TTBK2: variants seen among roughly 807,000 people sequenced by gnomAD.
TTBK2 encodes the protein tau tubulin kinase 2.
In TTBK2, 28 loss-of-function variants were observed where a neutral mutation model predicts 110.8. That is an observed-to-expected ratio of 0.25 (90% CI 0.19 to 0.35). The LOEUF (loss-of-function observed/expected upper bound fraction) is 0.35, where lower values mean the gene tolerates loss of function less well. TTBK2 is among the 10% of genes least tolerant of loss of function. The probability of loss-of-function intolerance (pLI) is 1.00; values close to 1 mark genes in which losing one functional copy is unlikely to be tolerated. For missense variants in TTBK2, 1,369 were observed against 1,500.3 expected (o/e 0.91, Z 1.45); for synonymous variants, 532 against 527.3 (o/e 1.01, Z -0.12).
intron 4 of TTBK2, among the ~76,000 whole-genome samples, chr15:42,831,021 T>C (rs1892736613): frequency 7.7e-6 from 1 of 129,400 alleles, no homozygotes; most frequent in Non-Finnish European, 1.5e-5. Context: ...AAAATGTATA[T>C]ATGTGTGTGT....
intron 1 of TTBK2, among the ~76,000 whole-genome samples, chr15:42,898,647 G>C (rs898152328): frequency 1.3e-5 from 2 of 152,184 alleles, no homozygotes; most frequent in Admixed American, 1.3e-4. Context: ...CCAAAATTAA[G>C]ATATAACATT....
At position 42,741,689 on chromosome 15, in the gene TTBK2, A is replaced by G. The variant is rs906766469; in HGVS notation, c.*4106T>C. On this transcript the variant is annotated 3_prime_UTR_variant, in exon 15 of 15. Coordinates refer to ENST00000267890, the MANE Select transcript of TTBK2 (RefSeq NM_173500.4). ...ATGCCATGTTTGATCAATATAAAGA[A>G]TAAGTTTTTAAAATATAAAAGACTT... 2.6e-5 allele frequency: 4 copies of G among 152,282 alleles called. No individual in the cohort carries two copies. The highest frequency in any genetic ancestry group is 9.6e-5 in the African/African-American group (4 of 41,474). 9.4% of individuals were successfully genotyped at this position (152,282 alleles called of 1,614,324 possible). A position where few individuals can be genotyped will look rare whatever the true frequency, so the allele number is the denominator to read the frequency against.
intron 9 of TTBK2, among the ~76,000 whole-genome samples, chr15:42,798,688 G>A (rs926381599): frequency 3.3e-5 from 5 of 152,330 alleles, no homozygotes; most frequent in Admixed American, 3.3e-4. Context: ...GGTTGATACT[G>A]TAAGGCTATT....
chr15:42,898,534 GA>G lies in TTBK2; in HGVS notation c.-67-19851del, dbSNP rs1047704456. Among the ~76,000 whole-genome samples, 4 of 149,302 alleles carry G rather than the reference GA, an allele frequency of 2.7e-5. No individual in the cohort carries two copies. In the South Asian group the frequency reaches 8.5e-4, roughly 32 times the overall value. Reference sequence around the variant, plus strand: ...TCAAAAAGAAAAAAAAAAAGAAAAAGAAAAAAAAAGCATTGACAGAGTCATA... The same window carrying G: ...TCAAAAAGAAAAAAAAAAAGAAAAAGAAAAAAAAGCATTGACAGAGTCATA... On this transcript the variant is annotated intron_variant, in intron 1 of 14. Transcript: ENST00000267890.
At chr15:42,879,116 G>A (rs945690188) in intron 1 of TTBK2, among the ~76,000 whole-genome samples, 1 of 152,024 alleles carries the variant, frequency 6.6e-6, no homozygotes, top group East Asian at 1.9e-4. Flanking sequence ...AAAATGCACA[G>A]GAAATAAATA....
Position 42,802,155 on chromosome 15 carries a change from G to A in TTBK2, c.823-7354C>T, listed in dbSNP as rs185159994. 2.1e-4 allele frequency: 300 copies of A among 1,399,240 alleles called. 2 individuals carry two copies. The East Asian group carries it at 4.7e-3, about 22-fold the overall frequency. The allele number at this position is 1,399,240 out of a possible 1,614,324, so 86.7% of individuals were successfully genotyped here. On this transcript the variant is annotated intron_variant, in intron 9 of 14. Coordinates refer to ENST00000267890, the MANE Select transcript of TTBK2 (RefSeq NM_173500.4). Reference sequence around the variant, plus strand: ...TCTGCTTCTCCTCCTGGGTGCGCACGGCCTGGATGTTGGGGTCCACCTCCA... The same window carrying A: ...TCTGCTTCTCCTCCTGGGTGCGCACAGCCTGGATGTTGGGGTCCACCTCCA...
chr15:42,907,487 A>G (rs1049707527), intron 1 of TTBK2, among the ~76,000 whole-genome samples: 1 of 152,218 alleles, frequency 6.6e-6, no homozygotes, highest in Non-Finnish European at 1.5e-5. Flanking sequence ...TACACATTCA[A>G]AAGAATGAAA....
intron 10 of TTBK2, among the ~76,000 whole-genome samples, chr15:42,785,107 A>G (rs1048607657): frequency 7.2e-6 from 1 of 139,778 alleles, no homozygotes; most frequent in African/African-American, 2.6e-5. Flanking sequence ...TTACTTTTTC[A>G]CTTGCAGATT....
intron 13 of TTBK2, among the ~76,000 whole-genome samples, chr15:42,770,039 G>A (rs1022240051): frequency 6.7e-6 from 1 of 150,292 alleles, no homozygotes; most frequent in Non-Finnish European, 1.5e-5. Context: ...ACTCATAGGT[G>A]GGAATTGAAC....
chr15:42,781,099 A>C (rs905647799), intron 11 of TTBK2, among the ~76,000 whole-genome samples: 1 of 152,234 alleles, frequency 6.6e-6, no homozygotes, highest in African/African-American at 2.4e-5. Flanking sequence ...AAAAATAGAA[A>C]GATAAAGGCA....
intron 2 of TTBK2, 73 bp from the exon 3 acceptor site, chr15:42,872,831 T>C: frequency 6.5e-7 from 1 of 1,532,756 alleles, no homozygotes; most frequent in Non-Finnish European, 8.9e-7. Context: ...TGATCTCTTA[T>C]ATTTAGAAAA....
At chr15:42,872,803 T>G (rs745445207) in intron 2 of TTBK2, 45 bp from the exon 3 acceptor site, 1 of 1,608,044 alleles carries the variant, frequency 6.2e-7, no homozygotes, top group South Asian at 1.1e-5. Context: ...TACTAGAAGA[T>G]TCTAACTTGA....
At position 42,745,605 on chromosome 15, in the gene TTBK2, T is replaced by C. The variant is rs1365046799; in HGVS notation, c.*190A>G. On this transcript the variant is annotated 3_prime_UTR_variant, in exon 15 of 15. Coordinates refer to ENST00000267890, the MANE Select transcript of TTBK2 (RefSeq NM_173500.4). ...CTTCTTGTACAAAGACATTGATTCC[T>C]AATCTACTTGCTGCCTGCCTTAGGT... 2 of 707,922 alleles carry C rather than the reference T, an allele frequency of 2.8e-6. No homozygotes were observed. Among genetic ancestry groups the C allele is most frequent in the Non-Finnish European group, 4.8e-6 (2 of 413,578 alleles). 43.9% of individuals were successfully genotyped at this position (707,922 alleles called of 1,614,324 possible). A position where few individuals can be genotyped will look rare whatever the true frequency, so the allele number is the denominator to read the frequency against.
chr15:42,747,289 G>A (rs959713768), intron 14 of TTBK2, among the ~76,000 whole-genome samples: 3 of 152,070 alleles, frequency 2.0e-5, no homozygotes, highest in African/African-American at 4.8e-5. Flanking sequence ...AGAATTCTTA[G>A]AGTATTCATA....
At chr15:42,908,118 G>C (rs945686469) in intron 1 of TTBK2, 1 of 151,916 alleles carries the variant, frequency 6.6e-6, no homozygotes, top group Non-Finnish European at 1.5e-5. Flanking sequence ...AAAGTTAATA[G>C]AATTAGTTGA....
chr15:42,897,779 C>T (rs933057437), intron 1 of TTBK2, among the ~76,000 whole-genome samples: 5 of 151,148 alleles, frequency 3.3e-5, no homozygotes, highest in African/African-American at 1.2e-4. Flanking sequence ...CAAGAGGTAA[C>T]TGATTTAATG....
intron 9 of TTBK2, chr15:42,801,298 C>T: frequency 6.5e-7 from 1 of 1,534,442 alleles, no homozygotes; most frequent in South Asian, 1.2e-5. Flanking sequence ...TCCTGGTACT[C>T]ACGCAGCTGC....
At chr15:42,803,579 G>T (rs933018982) in intron 9 of TTBK2, among the ~76,000 whole-genome samples, 2 of 152,138 alleles carry the variant, frequency 1.3e-5, no homozygotes, top group African/African-American at 4.8e-5. Flanking sequence ...AAGGTAAACT[G>T]CCTGGAAATA....
At chr15:42,768,678 T>C (rs1435645231) in intron 13 of TTBK2, among the ~76,000 whole-genome samples, 1 of 152,140 alleles carries the variant, frequency 6.6e-6, no homozygotes, top group African/African-American at 2.4e-5. Flanking sequence ...AAAATGGCCA[T>C]ACTGCCCAAG....
Sources: allele counts gnomAD v4.1 joint callset (sites outside exome capture counted in the v4.1 genomes callset), GRCh38; gene constraint gnomAD v4.1.1; transcripts MANE v1.5; gene names NCBI Gene and HGNC (gene_info 2026-07-23, HGNC 2026-07-21).